The following PTH variants were observed in gnomAD, a reference collection of about 807,000 sequenced individuals.
PTH encodes the protein parathyroid hormone.
PTH carries 7 observed loss-of-function variants against 7.4 expected under a neutral mutation model. The ratio of observed to expected loss-of-function variants is 0.94; its 90% CI spans 0.53 to 1.77. The LOEUF (loss-of-function observed/expected upper bound fraction) is 1.77, where lower values mean the gene tolerates loss of function less well. Among genes scored for constraint, PTH ranks in the 40% most tolerant of loss-of-function variants. The pLI is 0.00. For missense variants in PTH, 128 were observed against 137.1 expected (o/e 0.93, Z 0.33); for synonymous variants, 51 against 46.6 (o/e 1.09, Z -0.39).
At chr11:13,493,154 C>G (rs1488501010) in intron 1 of PTH, among the ~76,000 whole-genome samples, 1 of 151,006 alleles carries the variant, frequency 6.6e-6, no homozygotes, top group African/African-American at 2.4e-5. Flanking sequence ...TTTTCTAAAT[C>G]TATTTGTACA....
chr11:13,494,376 C>G (rs1019145022), intron 1 of PTH, among the ~76,000 whole-genome samples: 1 of 152,084 alleles, frequency 6.6e-6, no homozygotes, highest in African/African-American at 2.4e-5. Flanking sequence ...ACTTAAAATT[C>G]AGAACCTCTG....
chr11:13,495,318 G>A (rs1847525400), intron 1 of PTH, among the ~76,000 whole-genome samples: 1 of 152,132 alleles, frequency 6.6e-6, no homozygotes, highest in African/African-American at 2.4e-5. Context: ...CATACACATA[G>A]AGTAGTTATG....
chr11:13,495,780 A>G (rs1214226898), intron 1 of PTH, 131 bp downstream of exon 1: 1 of 152,180 alleles, frequency 6.6e-6, no homozygotes, highest in Non-Finnish European at 1.5e-5. Context: ...TTTATATTAA[A>G]CATAACTCAA....
chr11:13,494,827 C>A (rs1847520602), intron 1 of PTH, among the ~76,000 whole-genome samples: 1 of 152,114 alleles, frequency 6.6e-6, no homozygotes, highest in Admixed American at 6.5e-5. Flanking sequence ...TTTGAGAAAT[C>A]CCCCCGCACT....
At chr11:13,493,835 A>G (rs1034315717) in intron 1 of PTH, among the ~76,000 whole-genome samples, 1 of 152,180 alleles carries the variant, frequency 6.6e-6, no homozygotes, top group Non-Finnish European at 1.5e-5. Flanking sequence ...TTTTTTTTAA[A>G]AAAGTATTTC....
chr11:13,495,952 G>A lies in PTH; in HGVS notation c.-47C>T, dbSNP rs1270480991. 6.6e-6 allele frequency: 1 copy of A among 152,158 alleles called. No individual in the cohort carries two copies. The highest frequency in any genetic ancestry group is 1.5e-5 in the Non-Finnish European group (1 of 68,008). 9.4% of individuals were successfully genotyped at this position (152,158 alleles called of 1,614,324 possible). ...ACAAGATCTTCGTTCAGGTATGTTA[G>A]TAGCTGATGCTGAGTAAACTAAAGA... On this transcript the variant is annotated 5_prime_UTR_variant, in exon 1 of 3. Transcript: ENST00000282091.
chr11:13,492,410 G>C lies in PTH; in HGVS notation c.343C>G (p.Gln115Glu). ...GACAATATCTGTTTTCATTTTCACT[G>C]GGATTTAGCTTTAGTTAATACATTC... The part of the protein sequence containing the change: ...DVNVLTKAKS[Q>E] Residue 115 changes from glutamine (Q) to glutamate (E), a missense_variant, in exon 3 of 3, where the codon CAG becomes GAG. Transcript: ENST00000282091. The C allele has an allele frequency of 6.2e-7, 1 of 1,612,468 alleles. No homozygotes were observed. The highest frequency in any genetic ancestry group is 2.2e-5 in the East Asian group (1 of 44,874).
chr11:13,492,333 C>G lies in PTH; in HGVS notation c.*72G>C. 14 of 1,579,622 alleles carry G rather than the reference C, an allele frequency of 8.9e-6. No individual in the cohort carries two copies. Among genetic ancestry groups the G allele is most frequent in the Non-Finnish European group, 1.2e-5 (14 of 1,162,290 alleles). On this transcript the variant is annotated 3_prime_UTR_variant, in exon 3 of 3. Coordinates refer to ENST00000282091, the MANE Select transcript of PTH (RefSeq NM_000315.4). Reference sequence around the variant, plus strand: ...TTGGCACTTGGAAATCTTAATAGAGCTTTGAATTAGCAGCATGTATTGTTG... The same window carrying G: ...TTGGCACTTGGAAATCTTAATAGAGGTTTGAATTAGCAGCATGTATTGTTG...
At position 13,493,505 on chromosome 11, in the gene PTH, A is replaced by T. The variant is rs117268611; in HGVS notation, c.-5-645T>A. Among the ~76,000 whole-genome samples the T allele has an allele frequency of 2.2e-4, 33 of 152,396 alleles. No individual in the cohort carries two copies. In the East Asian group the frequency reaches 6.0e-3, roughly 28 times the overall value. ...TGGCCAAGTAAATAACTTAATCAGCATATTAATAAAAATCCACTGAGTGAT... is the reference window on the plus strand; with the variant it reads ...TGGCCAAGTAAATAACTTAATCAGCTTATTAATAAAAATCCACTGAGTGAT... On this transcript the variant is annotated intron_variant, in intron 1 of 2. Transcript: ENST00000282091.
chr11:13,495,497 C>G (rs932143386), intron 1 of PTH, among the ~76,000 whole-genome samples: 2 of 152,002 alleles, frequency 1.3e-5, no homozygotes, highest in Non-Finnish European at 2.9e-5. Context: ...AATAAATAAT[C>G]TAGATAAGAA....
rs767807443 is a variant in PTH, at chr11:13,492,776, G to T, written c.80C>A (p.Ser27Tyr). The change falls in exon 2 of 3, where the codon TCT becomes TAT. Residue 27 changes from serine to tyrosine, a missense_variant. By Grantham distance (144) the Ser-to-Tyr change is moderately radical. Coordinates refer to ENST00000282091, the MANE Select transcript of PTH (RefSeq NM_000315.4). Reference protein sequence around the residue: ...ICFLTKSDGKSVKKRSVSEIQ... With the variant: ...ICFLTKSDGKYVKKRSVSEIQ... ...AAGGCAAAACAGTACTTACTTAACA[G>T]ATTTCCCATCCGATTTTGTAAGAAA... 1.9e-6 allele frequency: 3 copies of T among 1,613,916 alleles called. 1 individual carries two copies. Among genetic ancestry groups the T allele is most frequent in the South Asian group, 2.2e-5 (2 of 91,062 alleles).
At chr11:13,494,108 G>A (rs766585210) in intron 1 of PTH, among the ~76,000 whole-genome samples, 1 of 151,318 alleles carries the variant, frequency 6.6e-6, no homozygotes, top group Non-Finnish European at 1.5e-5. Context: ...TCATTGCTAA[G>A]CTCACTTAGA....
chr11:13,492,392 T>G lies in PTH; in HGVS notation c.*13A>C, dbSNP rs1197361749. 6.2e-7 allele frequency: 1 copy of G among 1,609,850 alleles called. No individual in the cohort carries two copies. Among genetic ancestry groups the G allele is most frequent in the East Asian group, 2.2e-5 (1 of 44,874 alleles). On this transcript the variant is annotated 3_prime_UTR_variant, in exon 3 of 3. Transcript: ENST00000282091. ...TGTCTAGAGCAGAACTCTGACAATA[T>G]CTGTTTTCATTTTCACTGGGATTTA...
chr11:13,494,093 T>TC (rs1847511412), intron 1 of PTH, among the ~76,000 whole-genome samples: 2 of 152,188 alleles, frequency 1.3e-5, no homozygotes, highest in South Asian at 2.1e-4. Context: ...GTTTTTTTTT[T>TC]CTTCTCATTG....
At position 13,492,550 on chromosome 11, in the gene PTH, A is replaced by C. The variant is rs150454177; in HGVS notation, c.203T>G (p.Leu68Arg). The C allele has an allele frequency of 2.5e-6, 4 of 1,614,028 alleles. No homozygotes were observed. The African/African-American group carries it at 5.3e-5, about 22-fold the overall frequency. The change falls in exon 3 of 3, where the codon CTT (leucine) becomes CGT (arginine). Residue 68 changes from leucine (L) to arginine (R), a missense_variant. Physicochemically the swap from Leu to Arg is moderately radical, Grantham distance 102 (BLOSUM62 -2). Transcript: ENST00000282091. ...KLQDVHNFVA[L>R]GAPLAPRDAG... is the part of the protein sequence containing the mutation. ...ATCTCTGGGAGCTAGAGGAGCTCCAAGGGCAACAAAATTGTGCACATCCTG... is the reference window on the plus strand; with the variant it reads ...ATCTCTGGGAGCTAGAGGAGCTCCACGGGCAACAAAATTGTGCACATCCTG...
chr11:13,492,915 A>C, intron 1 of PTH, 55 bp from the exon 2 acceptor site: 1 of 1,466,434 alleles, frequency 6.8e-7, no homozygotes. Context: ...ATTCCAAACT[A>C]TAGTACACAG....
intron 1 of PTH, among the ~76,000 whole-genome samples, chr11:13,495,127 G>A (rs754303943): frequency 5.9e-5 from 9 of 152,142 alleles, no homozygotes; most frequent in Non-Finnish European, 1.2e-4. Context: ...TGAATGGAAT[G>A]CTTGTTTGTA....
rs187926637 is a variant in PTH at position 13,494,507 on chromosome 11, T to A, written c.-6+1404A>T. On this transcript the variant is annotated intron_variant, in intron 1 of 2. Transcript: ENST00000282091. ...CCTAAGAGCAGGGTTTGCTTCTGCT[T>A]CATCTAATGCCACATCTTCCCTCAA... is the stretch of plus-strand genomic sequence containing the variant. 4.4e-4 allele frequency among the ~76,000 whole-genome samples: 67 copies of A among 152,296 alleles called. 1 individual carries two copies. The highest frequency in any genetic ancestry group is 8.7e-4 in the Non-Finnish European group (59 of 68,012).
intron 1 of PTH, among the ~76,000 whole-genome samples, chr11:13,495,075 A>T (rs1847522966): frequency 6.6e-6 from 1 of 152,328 alleles, no homozygotes; most frequent in Non-Finnish European, 1.5e-5. Flanking sequence ...TTTAAAAATC[A>T]TCTGATTAAT....
Sources: allele counts gnomAD v4.1 joint callset (sites outside exome capture counted in the v4.1 genomes callset), GRCh38; gene constraint gnomAD v4.1.1; transcripts MANE v1.5; gene names NCBI Gene and HGNC (gene_info 2026-07-23, HGNC 2026-07-21).